UBE4B: variants seen among roughly 807,000 people sequenced by gnomAD.
UBE4B encodes the protein ubiquitination factor E4B.
In UBE4B, 27 loss-of-function variants were observed where a neutral mutation model predicts 148.1. That is an observed-to-expected ratio of 0.18 (90% CI 0.13 to 0.25). The LOEUF (loss-of-function observed/expected upper bound fraction) is 0.25. Ranked by LOEUF, UBE4B falls within the 10% of genes least tolerant of loss-of-function variation. The pLI is 1.00. For synonymous variants in UBE4B, 596 were observed against 619.3 expected (o/e 0.96, Z 0.56); for missense variants, 1,170 against 1,662.4 (o/e 0.70, Z 5.15).
intron 17 of UBE4B, among the ~76,000 whole-genome samples, chr1:10,140,546 T>A (rs185813403): frequency 6.6e-6 from 1 of 152,354 alleles, no homozygotes; most frequent in African/African-American, 2.4e-5. Flanking sequence ...AAATTCAAAC[T>A]ATGATTGTGG....
chr1:10,102,391 C>CTTTTTTTTTTTTTT lies in UBE4B; in HGVS notation c.436-533_436-520dup, dbSNP rs33997625. On this transcript the variant is annotated intron_variant, in intron 4 of 27. Transcript: ENST00000343090. ...GGTGACTTTTGATAATGACTTTGCT[C>CTTTTTTTTTTTTTT]TTTTTTTTTTTTTTTTTTTTTTTTT... is the stretch of plus-strand genomic sequence containing the variant. Among the ~76,000 whole-genome samples the CTTTTTTTTTTTTTT allele has an allele frequency of 1.4e-4, 7 of 51,564 alleles. 1 individual carries two copies. Among genetic ancestry groups the CTTTTTTTTTTTTTT allele is most frequent in the Admixed American group, 3.1e-4 (1 of 3,180 alleles). 33.8% of individuals were successfully genotyped at this position (51,564 alleles called of 152,430 possible).
intron 1 of UBE4B, among the ~76,000 whole-genome samples, chr1:10,064,411 T>C (rs1454171271): frequency 6.6e-6 from 1 of 152,250 alleles, no homozygotes; most frequent in Non-Finnish European, 1.5e-5. Context: ...GTAGTATTTC[T>C]ATGCATACGT....
intron 1 of UBE4B, among the ~76,000 whole-genome samples, chr1:10,040,411 C>G (rs146824468): frequency 6.6e-6 from 1 of 151,654 alleles, no homozygotes; most frequent in African/African-American, 2.4e-5. Flanking sequence ...GCCAGGCCTC[C>G]GGCTAATTTT....
intron 11 of UBE4B, 51 bp downstream of exon 11, chr1:10,126,928 A>G (rs1168455618): frequency 4.0e-6 from 6 of 1,488,022 alleles, no homozygotes; most frequent in Non-Finnish European, 5.6e-6. Flanking sequence ...TTTTTCTTTC[A>G]GATTATTTTG....
At chr1:10,116,496 T>C (rs1387441184) in intron 7 of UBE4B, among the ~76,000 whole-genome samples, 1 of 152,128 alleles carries the variant, frequency 6.6e-6, no homozygotes, top group Non-Finnish European at 1.5e-5. Context: ...AAGTTTATGT[T>C]TTCTCATTTT....
intron 21 of UBE4B, among the ~76,000 whole-genome samples, chr1:10,155,134 A>G (rs1646048072): frequency 2.0e-5 from 3 of 152,060 alleles, no homozygotes; most frequent in African/African-American, 4.8e-5. Context: ...TTTACACAAC[A>G]GAACTGGGCC....
chr1:10,093,825 GC>G (rs1644887072), intron 2 of UBE4B, among the ~76,000 whole-genome samples: 1 of 151,854 alleles, frequency 6.6e-6, no homozygotes, highest in Non-Finnish European at 1.5e-5. Context: ...CTCCCAAGTA[GC>G]TGGGATTATA....
At chr1:10,044,374 C>T (rs1272003181) in intron 1 of UBE4B, among the ~76,000 whole-genome samples, 1 of 151,008 alleles carries the variant, frequency 6.6e-6, no homozygotes, top group African/African-American at 2.4e-5. Context: ...ATTTAATTGC[C>T]AAACACCACC....
At chr1:10,053,687 CTT>C (rs916430073) in intron 1 of UBE4B, among the ~76,000 whole-genome samples, 1 of 147,178 alleles carries the variant, frequency 6.8e-6, no homozygotes, top group Non-Finnish European at 1.5e-5. Flanking sequence ...ATTTTGAAAA[CTT>C]TTTTTTTTTG....
At chr1:10,170,787 G>A (rs1646327362) in intron 24 of UBE4B, among the ~76,000 whole-genome samples, 1 of 152,158 alleles carries the variant, frequency 6.6e-6, no homozygotes, top group Non-Finnish European at 1.5e-5. Flanking sequence ...TCAGATAATG[G>A]TAAGATTTGT....
chr1:10,162,698 G>A (rs867499046), intron 23 of UBE4B, among the ~76,000 whole-genome samples: 2 of 150,592 alleles, frequency 1.3e-5, no homozygotes, highest in Non-Finnish European at 2.9e-5. Flanking sequence ...TGGGTATACC[G>A]TGATGCTGAG....
intron 25 of UBE4B, among the ~76,000 whole-genome samples, chr1:10,174,560 G>A (rs1458551605): frequency 6.6e-6 from 1 of 151,602 alleles, no homozygotes; most frequent in Non-Finnish European, 1.5e-5. Context: ...AAATTAGCCG[G>A]GCATGGTGGT....
chr1:10,147,082 A>G lies in UBE4B; in HGVS notation c.2583A>G (p.Ala861=), dbSNP rs1645885507. ...IQLLLRILDP[A]YPDITLPLNS... ...TGCTGCTCCGCATCCTGGACCCCGC[A>G]TATCCCGAGTGAGTGTGCTTCTTCC... Residue 861 remains alanine, a synonymous_variant, in exon 19 of 28, where the codon GCA becomes GCG. Coordinates refer to ENST00000343090, the MANE Select transcript of UBE4B (RefSeq NM_001105562.3). The G allele has an allele frequency of 6.2e-7, 1 of 1,614,136 alleles. No homozygotes were observed. Among genetic ancestry groups the G allele is most frequent in the Non-Finnish European group, 8.5e-7 (1 of 1,180,010 alleles).
Position 10,130,568 on chromosome 1 carries a change from C to T in UBE4B, c.1764C>T (p.Leu588=), listed in dbSNP as rs777413135. The T allele has an allele frequency of 3.1e-6, 5 of 1,614,204 alleles. No homozygotes were observed. The highest frequency in any genetic ancestry group is 4.2e-6 in the Non-Finnish European group (5 of 1,180,048). The change falls in exon 13 of 28, where the codon CTC becomes CTT. Residue 588 remains leucine (L), a synonymous_variant. Transcript: ENST00000343090. ...SPGCGRELQR[L]SYLGAFFSFS... ...GCTGTGGGCGGGAGCTGCAGAGACTCTCTTACTTAGGGGCTTTCTTTAGCT... is the reference window on the plus strand; with the variant it reads ...GCTGTGGGCGGGAGCTGCAGAGACTTTCTTACTTAGGGGCTTTCTTTAGCT...
chr1:10,171,486 C>A (rs1646338150), intron 25 of UBE4B, among the ~76,000 whole-genome samples, 157 bp downstream of exon 25: 1 of 152,202 alleles, frequency 6.6e-6, no homozygotes, highest in Admixed American at 6.5e-5. Context: ...TGGCTCAGGC[C>A]TGTAATCCCA....
At chr1:10,153,132 T>C (rs1646005208) in intron 21 of UBE4B, among the ~76,000 whole-genome samples, 1 of 151,966 alleles carries the variant, frequency 6.6e-6, no homozygotes. Context: ...CAGCACCCCC[T>C]ATTGGCAACC....
At chr1:10,117,369 A>T in intron 7 of UBE4B, 90 bp from the exon 8 acceptor site, 1 of 1,558,580 alleles carries the variant, frequency 6.4e-7, no homozygotes, top group Admixed American at 1.8e-5. Flanking sequence ...GTGTACAGGG[A>T]TCCTAACAGG....
intron 19 of UBE4B, among the ~76,000 whole-genome samples, chr1:10,148,407 G>A (rs1478022172): frequency 1.3e-5 from 2 of 151,984 alleles, no homozygotes; most frequent in African/African-American, 2.4e-5. Context: ...TGAGGCAGGC[G>A]GATCACTTGA....
chr1:10,136,277 A>G (rs895338196), intron 16 of UBE4B, among the ~76,000 whole-genome samples: 5 of 152,002 alleles, frequency 3.3e-5, no homozygotes, highest in African/African-American at 4.8e-5. Context: ...GTTCAAGACC[A>G]GCCTGGGCAA....
Sources: gnomAD v4.1 joint callset for allele counts (sites outside exome capture counted in the v4.1 genomes callset) on GRCh38, gnomAD v4.1.1 for gene constraint, MANE v1.5 for transcripts, NCBI Gene and HGNC (gene_info 2026-07-23, HGNC 2026-07-21) for gene names.